Variants in SAMD12 observed in about 807,000 individuals in gnomAD.
SAMD12 encodes the protein sterile alpha motif domain-containing protein 12.
SAMD12 carries 9 observed loss-of-function variants against 15.0 expected under a neutral mutation model. That is an observed-to-expected ratio of 0.60 (90% CI 0.36 to 1.05). The LOEUF (loss-of-function observed/expected upper bound fraction) is 1.05. Ranked by LOEUF, SAMD12 falls within the 50% of genes least tolerant of loss-of-function variation. The pLI is 0.01. For missense variants in SAMD12, 230 were observed against 234.2 expected (o/e 0.98, Z 0.12); for synonymous variants, 86 against 90.1 (o/e 0.96, Z 0.25).
At chr8:118,454,850 T>C (rs913296886) in intron 2 of SAMD12, among the ~76,000 whole-genome samples, 1 of 152,202 alleles carries the variant, frequency 6.6e-6, no homozygotes, top group African/African-American at 2.4e-5. Flanking sequence ...TTCTGTGAGT[T>C]TGCCTACTCT....
intron 1 of SAMD12, among the ~76,000 whole-genome samples, chr8:118,582,890 C>CTA (rs1259098641): frequency 1.8e-4 from 27 of 150,030 alleles, no homozygotes; most frequent in Non-Finnish European, 3.5e-4. Flanking sequence ...TCGGTAGTTT[C>CTA]ATCAAGCACT....
intron 4 of SAMD12, among the ~76,000 whole-genome samples, chr8:118,297,961 T>A (rs1382642948): frequency 1.3e-5 from 2 of 152,198 alleles, no homozygotes; most frequent in Non-Finnish European, 2.9e-5. Flanking sequence ...AAAGCCTAAA[T>A]GCAGTGGAAA....
At chr8:118,200,688 G>A (rs889438989) in intron 4 of SAMD12, among the ~76,000 whole-genome samples, 1 of 152,174 alleles carries the variant, frequency 6.6e-6, no homozygotes, top group African/African-American at 2.4e-5. Context: ...TTTGCAGTTA[G>A]TATTGTGTTC....
intron 2 of SAMD12, among the ~76,000 whole-genome samples, chr8:118,464,367 G>T (rs1823523533): frequency 6.6e-6 from 1 of 152,138 alleles, no homozygotes; most frequent in East Asian, 1.9e-4. Flanking sequence ...CACGACAGTT[G>T]GACCAGAACC....
intron 2 of SAMD12, among the ~76,000 whole-genome samples, chr8:118,567,172 A>G (rs898960883): frequency 2.0e-5 from 3 of 152,184 alleles, no homozygotes; most frequent in Admixed American, 6.5e-5. Flanking sequence ...GGACAGATGA[A>G]GACACTCACT....
chr8:118,474,544 C>T (rs1586746691), intron 2 of SAMD12, among the ~76,000 whole-genome samples: 1 of 148,212 alleles, frequency 6.7e-6, no homozygotes, highest in Non-Finnish European at 1.5e-5. Flanking sequence ...CCATGCCCAG[C>T]TATTTTTTTT....
At chr8:118,291,835 A>G (rs1048262333) in intron 4 of SAMD12, among the ~76,000 whole-genome samples, 5 of 150,662 alleles carry the variant, frequency 3.3e-5, no homozygotes, top group Admixed American at 6.6e-5. Context: ...ACTTCCATAG[A>G]GTGACTTTGG....
the SAMD12 span, among the ~76,000 whole-genome samples, chr8:118,161,697 AAT>A: frequency 9.1e-6 from 1 of 110,396 alleles, no homozygotes; most frequent in Admixed American, 9.9e-5. Context: ...ACTCAATATT[AAT>A]AATAAATTAT....
intron 4 of SAMD12, among the ~76,000 whole-genome samples, chr8:118,269,218 CTCTGTGTGTGTG>C (rs762906786): frequency 9.8e-4 from 113 of 115,742 alleles, no homozygotes; most frequent in South Asian, 3.3e-3. Context: ...CTCTCTCTCT[CTCTGTGTGTGTG>C]TGTGTGTGTG....
the SAMD12 span, among the ~76,000 whole-genome samples, chr8:118,141,941 C>T: frequency 6.6e-6 from 1 of 152,158 alleles, no homozygotes; most frequent in African/African-American, 2.4e-5. Flanking sequence ...ATGGCCTCTC[C>T]CTGGGACAGT....
chr8:118,295,324 A>C (rs1814647540), intron 4 of SAMD12, among the ~76,000 whole-genome samples: 1 of 152,194 alleles, frequency 6.6e-6, no homozygotes, highest in African/African-American at 2.4e-5. Flanking sequence ...CTGTGATGCA[A>C]ATATTTATTG....
At chr8:118,535,445 T>C (rs1292759408) in intron 2 of SAMD12, among the ~76,000 whole-genome samples, 2 of 152,220 alleles carry the variant, frequency 1.3e-5, no homozygotes, top group Admixed American at 6.5e-5. Flanking sequence ...TCAAACTCCA[T>C]GCTGGGAGAA....
rs963576334 is a variant in SAMD12 at position 118,284,293 on chromosome 8, C to T, written c.434-86561G>A. ...ACAGTTTGGGTGTGCACCTGGCTTG[C>T]AGCAGAACTGGCTGGGATGGCTTCA... is the stretch of plus-strand genomic sequence containing the variant. On this transcript the variant is annotated intron_variant, in intron 4 of 4. Coordinates refer to the SAMD12 transcript ENST00000409003. 6.6e-6 allele frequency: 3 copies of T among 456,294 alleles called. No individual in the cohort carries two copies. In the Admixed American group the frequency reaches 7.0e-5, roughly 11 times the overall value. 28.3% of individuals were successfully genotyped at this position (456,294 alleles called of 1,614,324 possible). A position where few individuals can be genotyped will look rare whatever the true frequency, so the allele number is the denominator to read the frequency against.
chr8:118,455,705 G>A (rs1195264461), intron 2 of SAMD12, among the ~76,000 whole-genome samples: 3 of 152,016 alleles, frequency 2.0e-5, no homozygotes, highest in African/African-American at 4.8e-5. Flanking sequence ...AACTTAACAC[G>A]CTCAAAACAA....
chr8:118,544,751 A>G (rs1172395867), intron 2 of SAMD12, among the ~76,000 whole-genome samples: 1 of 152,214 alleles, frequency 6.6e-6, no homozygotes, highest in Admixed American at 6.5e-5. Flanking sequence ...TTCAGTCAGT[A>G]GCTCTCATCT....
intron 1 of SAMD12, among the ~76,000 whole-genome samples, chr8:118,600,022 G>A (rs974733330): frequency 3.9e-5 from 6 of 152,120 alleles, no homozygotes; most frequent in Admixed American, 3.3e-4. Context: ...TGGTAGAGTT[G>A]GATTGGGTTT....
chr8:118,321,857 C>T (rs1816301292), intron 4 of SAMD12, among the ~76,000 whole-genome samples: 1 of 152,162 alleles, frequency 6.6e-6, no homozygotes, highest in Non-Finnish European at 1.5e-5. Flanking sequence ...AGCCCTCTCA[C>T]AGGTAATTGT....
At chr8:118,476,110 T>C (rs1278813607) in intron 2 of SAMD12, among the ~76,000 whole-genome samples, 1 of 152,170 alleles carries the variant, frequency 6.6e-6, no homozygotes, top group African/African-American at 2.4e-5. Flanking sequence ...TCCCCAAACA[T>C]CAAGAGAATT....
chr8:118,305,978 C>T (rs776087657), intron 4 of SAMD12, among the ~76,000 whole-genome samples: 18 of 152,178 alleles, frequency 1.2e-4, no homozygotes, highest in Non-Finnish European at 2.1e-4. Flanking sequence ...CCAGCTCCTA[C>T]TACAACAGTC....
Sources: allele counts gnomAD v4.1 joint callset (sites outside exome capture counted in the v4.1 genomes callset), GRCh38; gene constraint gnomAD v4.1.1; transcripts MANE v1.5; gene names NCBI Gene and HGNC (gene_info 2026-07-23, HGNC 2026-07-21).